MRPS5: variants seen among roughly 807,000 people sequenced by gnomAD.
MRPS5 encodes small ribosomal subunit protein uS5m.
MRPS5 carries 27 observed loss-of-function variants against 51.9 expected under a neutral mutation model. The observed-to-expected ratio is 0.52, with a 90% CI of 0.38 to 0.72. The LOEUF (loss-of-function observed/expected upper bound fraction) is 0.72, where lower values mean the gene tolerates loss of function less well. Among genes scored for constraint, MRPS5 ranks in the 30% least tolerant of loss-of-function variants. The pLI is 0.00. For synonymous variants in MRPS5, 196 were observed against 193.2 expected, an observed-to-expected ratio of 1.01 and a Z score of -0.12; for missense variants, 570 against 545.7, an observed-to-expected ratio of 1.04 and a Z score of -0.44.
chr2:95,088,656 T>C (rs1413833172), intron 11 of MRPS5, among the ~76,000 whole-genome samples: 1 of 152,270 alleles, frequency 6.6e-6, no homozygotes, highest in Admixed American at 6.5e-5. Flanking sequence ...CTTTTCCTTT[T>C]TGAGTGACAT....
At chr2:95,101,805 T>C in intron 7 of MRPS5, 82 bp from the exon 8 acceptor site, 1 of 901,772 alleles carries the variant, frequency 1.1e-6, no homozygotes, top group South Asian at 1.6e-5. Context: ...TTTCTGCTCC[T>C]ACAATATTTC....
chr2:95,101,294 G>T (rs1218422161), intron 8 of MRPS5, among the ~76,000 whole-genome samples: 1 of 150,826 alleles, frequency 6.6e-6, no homozygotes, highest in Non-Finnish European at 1.5e-5. Context: ...GGAGGCAGGA[G>T]AATCACTTGA....
At chr2:95,096,283 T>C (rs1348597925) in intron 10 of MRPS5, among the ~76,000 whole-genome samples, 2 of 152,198 alleles carry the variant, frequency 1.3e-5, no homozygotes, top group Non-Finnish European at 2.9e-5. Flanking sequence ...CCATTCCTTC[T>C]GAAACTATTC....
chr2:95,098,385 G>A (rs1036714474), intron 10 of MRPS5, among the ~76,000 whole-genome samples: 10 of 152,086 alleles, frequency 6.6e-5, no homozygotes, highest in Non-Finnish European at 2.9e-5. Flanking sequence ...AAAGACACAT[G>A]CACACATATG....
At chr2:95,104,482 T>C in intron 7 of MRPS5, 158 bp downstream of exon 7, 1 of 733,996 alleles carries the variant, frequency 1.4e-6, no homozygotes, top group East Asian at 2.7e-5. Context: ...AGGGAAGTCA[T>C]GGACTTACCA....
chr2:95,120,643 T>G (rs757514265), intron 1 of MRPS5, among the ~76,000 whole-genome samples: 1 of 152,208 alleles, frequency 6.6e-6, no homozygotes, highest in Non-Finnish European at 1.5e-5. Context: ...CCAGGTGATA[T>G]GGGTGCAAAA....
At chr2:95,115,336 GTCTT>G in intron 2 of MRPS5, 133 bp from the exon 3 acceptor site, 3 of 885,546 alleles carry the variant, frequency 3.4e-6, no homozygotes, top group Non-Finnish European at 4.8e-6. Flanking sequence ...ATTTTTAGGA[GTCTT>G]TCTTTTAAAA....
chr2:95,100,953 C>G, intron 8 of MRPS5, 59 bp from the exon 9 acceptor site: 2 of 1,402,964 alleles, frequency 1.4e-6, no homozygotes, highest in Non-Finnish European at 2.0e-6. Flanking sequence ...TTCAAGGATT[C>G]CAAAAACACT....
At chr2:95,092,278 C>T (rs764053913) in intron 10 of MRPS5, 18 of 152,148 alleles carry the variant, frequency 1.2e-4, no homozygotes, top group African/African-American at 2.7e-4. Context: ...GTTCTATAGC[C>T]GAAGTAGAAG....
intron 11 of MRPS5, among the ~76,000 whole-genome samples, chr2:95,088,981 C>T (rs1047526790): frequency 3.9e-5 from 6 of 152,080 alleles, no homozygotes; most frequent in African/African-American, 7.2e-5. Flanking sequence ...GCAGGAGAAT[C>T]GCTTGAACCC....
intron 4 of MRPS5, 110 bp downstream of exon 4, chr2:95,109,806 G>T: frequency 8.1e-7 from 1 of 1,233,366 alleles, no homozygotes; most frequent in Non-Finnish European, 1.1e-6. Context: ...ACCATAGATC[G>T]TAGTGCCCTT....
At chr2:95,106,650 C>CA (rs769015720) in intron 5 of MRPS5, 193 bp from the exon 6 acceptor site, 30 of 607,974 alleles carry the variant, frequency 4.9e-5, no homozygotes, top group South Asian at 3.1e-4. Context: ...TTCATAAACT[C>CA]AGTCACTGAT....
intron 10 of MRPS5, among the ~76,000 whole-genome samples, chr2:95,099,236 T>TAAA (rs957057351): frequency 7.7e-5 from 11 of 142,342 alleles, no homozygotes; most frequent in Non-Finnish European, 1.1e-4. Context: ...TTTTTAAAAT[T>TAAA]AAAAAAAAAA....
At chr2:95,120,331 A>C (rs1171257795) in intron 1 of MRPS5, among the ~76,000 whole-genome samples, 1 of 152,216 alleles carries the variant, frequency 6.6e-6, no homozygotes. Flanking sequence ...AAATGAAAGA[A>C]GCCAATCACA....
At chr2:95,096,592 T>C (rs1210824702) in intron 10 of MRPS5, among the ~76,000 whole-genome samples, 1 of 152,172 alleles carries the variant, frequency 6.6e-6, no homozygotes, top group East Asian at 1.9e-4. Flanking sequence ...CAAAACCACA[T>C]GATTATCTCA....
At chr2:95,106,292 G>A (rs529270410) in intron 6 of MRPS5, 131 bp downstream of exon 6, 41 of 762,042 alleles carry the variant, frequency 5.4e-5, no homozygotes, top group South Asian at 3.6e-4. Context: ...TTTTCCTTAC[G>A]CAGATCAGCT....
rs142424718 is a variant in MRPS5, at chr2:95,103,249, C to T, written c.763+1391G>A. Among the ~76,000 whole-genome samples the T allele has an allele frequency of 5.4e-3, 821 of 152,224 alleles. 7 individuals carry two copies. Among genetic ancestry groups the T allele is most frequent in the Non-Finnish European group, 8.4e-3 (570 of 68,002 alleles). On this transcript the variant is annotated intron_variant, in intron 7 of 11. Coordinates refer to ENST00000272418, the MANE Select transcript of MRPS5 (RefSeq NM_031902.5). Reference sequence around the variant, plus strand: ...GTCCTTAACTTACAAAGAGCTTATACCATTCAATAAGAAAAATAATAACCA... The same window carrying T: ...GTCCTTAACTTACAAAGAGCTTATATCATTCAATAAGAAAAATAATAACCA...
chr2:95,110,083 C>T, intron 3 of MRPS5, 42 bp from the exon 4 acceptor site: 3 of 1,595,856 alleles, frequency 1.9e-6, no homozygotes, highest in Non-Finnish European at 1.7e-6. Context: ...CTGTAGTTTT[C>T]AAGCAATGGT....
chr2:95,099,896 T>A (rs981745296), intron 10 of MRPS5, among the ~76,000 whole-genome samples: 9 of 152,314 alleles, frequency 5.9e-5, no homozygotes, highest in Non-Finnish European at 1.3e-4. Context: ...TTATATAAAA[T>A]CATTTTTTAC....
Sources: allele counts gnomAD v4.1 joint callset (sites outside exome capture counted in the v4.1 genomes callset), GRCh38; gene constraint gnomAD v4.1.1; transcripts MANE v1.5; gene names NCBI Gene and HGNC (gene_info 2026-07-23, HGNC 2026-07-21).